The following TMPRSS15 variants were observed in gnomAD, a reference collection of about 807,000 sequenced individuals.
TMPRSS15 encodes the protein enteropeptidase.
A neutral mutation model predicts 125.3 loss-of-function variants in TMPRSS15; 128 were observed. The ratio of observed to expected loss-of-function variants is 1.02; its 90% CI spans 0.89 to 1.18. The LOEUF (loss-of-function observed/expected upper bound fraction) is 1.18, where lower values mean the gene tolerates loss of function less well. TMPRSS15 is among the 50% of genes most tolerant of loss of function. TMPRSS15 has a pLI of 0.00. For missense variants in TMPRSS15, 1,283 were observed against 1,212.7 expected (o/e 1.06, Z -0.86); for synonymous variants, 446 against 423.2 (o/e 1.05, Z -0.66).
intron 3 of TMPRSS15, among the ~76,000 whole-genome samples, chr21:18,391,578 G>T (rs1485843454): frequency 6.6e-6 from 1 of 152,198 alleles, no homozygotes; most frequent in Non-Finnish European, 1.5e-5. Flanking sequence ...GAAGCATACA[G>T]CTCCCCTACC....
intron 1 of TMPRSS15, among the ~76,000 whole-genome samples, chr21:18,451,760 G>A (rs559136983): frequency 3.0e-4 from 46 of 152,138 alleles, no homozygotes; most frequent in African/African-American, 1.0e-3. Flanking sequence ...GGTGGAAAAG[G>A]TTCAGTTTTT....
At chr21:18,428,291 G>A (rs981491956) in intron 1 of TMPRSS15, among the ~76,000 whole-genome samples, 1 of 152,184 alleles carries the variant, frequency 6.6e-6, no homozygotes, top group Non-Finnish European at 1.5e-5. Flanking sequence ...AAGGGAAGCT[G>A]AGCATAAAAG....
chr21:18,469,810 T>C (rs1978740037), intron 1 of TMPRSS15, among the ~76,000 whole-genome samples: 1 of 152,142 alleles, frequency 6.6e-6, no homozygotes, highest in Non-Finnish European at 1.5e-5. Flanking sequence ...CTCGTTATTG[T>C]AGCCTATCTC....
At chr21:18,394,998 A>G (rs1180957163) in intron 3 of TMPRSS15, among the ~76,000 whole-genome samples, 1 of 152,208 alleles carries the variant, frequency 6.6e-6, no homozygotes, top group Non-Finnish European at 1.5e-5. Context: ...GGTACTGTTT[A>G]CCCTAGTCTG....
At chr21:18,276,755 CTTTTTT>C (rs372920414) in intron 23 of TMPRSS15, among the ~76,000 whole-genome samples, 13,813 of 121,246 alleles carry the variant, frequency 0.11, 848 homozygotes, top group African/African-American at 0.2. Context: ...AACTGGGATT[CTTTTTT>C]TTTTTTTTTT....
chr21:18,477,782 A>T (rs900034355), intron 1 of TMPRSS15: 2 of 152,228 alleles, frequency 1.3e-5, no homozygotes, highest in East Asian at 3.9e-4. Context: ...TATGTTGTTC[A>T]TAATTCCTTC....
At chr21:18,307,729 G>T (rs921371285) in intron 18 of TMPRSS15, among the ~76,000 whole-genome samples, 11 of 151,944 alleles carry the variant, frequency 7.2e-5, no homozygotes, top group Admixed American at 6.6e-4. Flanking sequence ...CCAATTCATT[G>T]GAAGGAACGT....
At chr21:18,315,308 A>T (rs2146941261) in intron 16 of TMPRSS15, 52 bp from the exon 17 acceptor site, 1 of 1,454,760 alleles carries the variant, frequency 6.9e-7, no homozygotes, top group East Asian at 2.3e-5. Context: ...CAAATGGATG[A>T]TTCTGGAGTA....
At chr21:18,411,345 T>G (rs775050933) in intron 1 of TMPRSS15, among the ~76,000 whole-genome samples, 3 of 152,172 alleles carry the variant, frequency 2.0e-5, no homozygotes, top group Non-Finnish European at 2.9e-5. Context: ...AAAACTTTTT[T>G]TTTTTTGAGC....
At chr21:18,361,893 AC>A (rs1465216445) in intron 7 of TMPRSS15, among the ~76,000 whole-genome samples, 1 of 149,188 alleles carries the variant, frequency 6.7e-6, no homozygotes, top group African/African-American at 2.5e-5. Flanking sequence ...TAAAAAAAAA[AC>A]AAACCCAAAG....
At chr21:18,440,136 A>G (rs1291143670) in intron 1 of TMPRSS15, among the ~76,000 whole-genome samples, 1 of 152,026 alleles carries the variant, frequency 6.6e-6, no homozygotes, top group Non-Finnish European at 1.5e-5. Context: ...GCACTTTGGG[A>G]GGCCGAGACG....
chr21:18,281,543 C>G (rs897796267), intron 21 of TMPRSS15, among the ~76,000 whole-genome samples: 1 of 152,088 alleles, frequency 6.6e-6, no homozygotes, highest in Non-Finnish European at 1.5e-5. Context: ...TACTTCCCCT[C>G]CTCCCCCGAT....
intron 15 of TMPRSS15, 94 bp downstream of exon 15, chr21:18,329,075 T>C (rs541049749): frequency 6.8e-7 from 1 of 1,468,264 alleles, no homozygotes; most frequent in Admixed American, 1.7e-5. Flanking sequence ...TTGCAAGTTG[T>C]AAAAGAGTGA....
intron 10 of TMPRSS15, among the ~76,000 whole-genome samples, chr21:18,345,978 T>C (rs2075504838): frequency 6.6e-6 from 1 of 151,842 alleles, no homozygotes; most frequent in Admixed American, 6.6e-5. Flanking sequence ...TATGATGCTA[T>C]GATTTCTTTT....
chr21:18,441,277 G>A (rs1008978205), intron 1 of TMPRSS15, among the ~76,000 whole-genome samples: 13 of 129,282 alleles, frequency 1.0e-4, no homozygotes, highest in South Asian at 2.4e-4. Flanking sequence ...GTGAAACTCC[G>A]TCTCAAACAA....
Position 18,478,002 on chromosome 21 carries a change from T to G in TMPRSS15, c.10+7797A>C, listed in dbSNP as rs1324899463. On this transcript the variant is annotated intron_variant, in intron 1 of 7. Coordinates refer to the TMPRSS15 transcript ENST00000422787. Reference sequence around the variant, plus strand: ...ATAATGGCCATTTAAATCTATAAAGTCATCTGTGAGGAATGGAATACATAA... The same window carrying G: ...ATAATGGCCATTTAAATCTATAAAGGCATCTGTGAGGAATGGAATACATAA... Among the ~76,000 whole-genome samples the G allele has an allele frequency of 7.9e-5, 12 of 152,006 alleles. No individual in the cohort carries two copies. In the East Asian group the frequency reaches 2.3e-3, roughly 29 times the overall value.
intron 9 of TMPRSS15, 101 bp from the exon 10 acceptor site, chr21:18,353,153 C>T: frequency 9.9e-7 from 1 of 1,011,240 alleles, no homozygotes; most frequent in Non-Finnish European, 1.5e-6. Context: ...ACAGCTTATA[C>T]TTCAGTGGTA....
At chr21:18,447,981 T>A (rs1431702214) in intron 1 of TMPRSS15, among the ~76,000 whole-genome samples, 1 of 152,166 alleles carries the variant, frequency 6.6e-6, no homozygotes. Flanking sequence ...CTGGTGAGGA[T>A]GTGGAGAATG....
Position 18,393,100 on chromosome 21 carries a change from C to T in TMPRSS15, c.344+4779G>A, listed in dbSNP as rs114961159. ...ATGATGTGGCAGGACTGAGGCAGAA[C>T]GCTGTGTCGAGTTGGGGAGGAGAAA... On this transcript the variant is annotated intron_variant, in intron 3 of 24. Coordinates refer to ENST00000284885, the MANE Select transcript of TMPRSS15 (RefSeq NM_002772.3). Among the ~76,000 whole-genome samples the T allele has an allele frequency of 6.4e-3, 970 of 152,160 alleles. 9 individuals are homozygous for T. The highest frequency in any genetic ancestry group is 0.021 in the African/African-American group (875 of 41,514).
Sources: gnomAD v4.1 joint callset for allele counts (sites outside exome capture counted in the v4.1 genomes callset) on GRCh38, gnomAD v4.1.1 for gene constraint, MANE v1.5 for transcripts, NCBI Gene and HGNC (gene_info 2026-07-23, HGNC 2026-07-21) for gene names.